Variants in DIAPH3 observed in about 807,000 individuals in gnomAD.
DIAPH3 encodes the protein diaphanous related formin 3, also known as protein diaphanous homolog 3.
Under a neutral mutation model 144.3 loss-of-function variants are expected in DIAPH3, and 117 were observed. The observed-to-expected ratio is 0.81, with a 90% CI of 0.70 to 0.95. The LOEUF (loss-of-function observed/expected upper bound fraction) is 0.95, where lower values mean the gene tolerates loss of function less well. DIAPH3 is among the 40% of genes least tolerant of loss of function. The pLI, the probability that DIAPH3 is intolerant of heterozygous loss-of-function variation, is 0.00. For synonymous variants in DIAPH3, 519 were observed against 488.9 expected, an observed-to-expected ratio of 1.06 and a Z score of -0.81; for missense variants, 1,421 against 1,412.7, an observed-to-expected ratio of 1.01 and a Z score of -0.09.
chr13:60,138,809 GAAGAGGGAA>G (rs1196048113), intron 1 of DIAPH3, among the ~76,000 whole-genome samples: 2 of 133,840 alleles, frequency 1.5e-5, no homozygotes, highest in East Asian at 2.0e-4. Flanking sequence ...AGGGAAGAGG[GAAGAGGGAA>G]GAGGGGAGGG....
At chr13:59,756,762 T>C (rs2037300614) in intron 27 of DIAPH3, among the ~76,000 whole-genome samples, 1 of 152,180 alleles carries the variant, frequency 6.6e-6, no homozygotes, top group Non-Finnish European at 1.5e-5. Context: ...GGGATTTAGG[T>C]CTGTCTCTGA....
chr13:60,163,928 T>C lies in DIAPH3; in HGVS notation c.-162A>G. ...AAGTCGGGGCCGCAGCCAACACATC[T>C]GAAAACTCCCGCCACCCGTGTTGGC... On this transcript the variant is annotated 5_prime_UTR_variant, in exon 1 of 28. Transcript: ENST00000400324. The C allele has an allele frequency of 1.1e-6, 1 of 905,564 alleles. No homozygotes were observed. The highest frequency in any genetic ancestry group is 2.9e-5 in the Admixed American group (1 of 34,356). 56.1% of individuals were successfully genotyped at this position (905,564 alleles called of 1,614,324 possible). A position where few individuals can be genotyped will look rare whatever the true frequency, so the allele number is the denominator to read the frequency against.
intron 17 of DIAPH3, among the ~76,000 whole-genome samples, chr13:59,934,215 C>T (rs1304039672): frequency 6.6e-6 from 1 of 152,060 alleles, no homozygotes; most frequent in Non-Finnish European, 1.5e-5. Flanking sequence ...TTTGTTGGTG[C>T]TCCCTGGTTA....
chr13:60,134,027 CTCAG>C (rs1209091202), intron 1 of DIAPH3, among the ~76,000 whole-genome samples: 1 of 152,134 alleles, frequency 6.6e-6, no homozygotes, highest in Non-Finnish European at 1.5e-5. Flanking sequence ...ATGAATCTAC[CTCAG>C]TGATGATCCA....
intron 4 of DIAPH3, among the ~76,000 whole-genome samples, chr13:60,076,815 C>T (rs938133640): frequency 2.0e-5 from 3 of 152,028 alleles, no homozygotes; most frequent in African/African-American, 7.2e-5. Flanking sequence ...AAGCATTATA[C>T]AAAAGTAATT....
chr13:59,861,289 A>G (rs1168500450), intron 22 of DIAPH3, 118 bp downstream of exon 22: 2 of 1,571,974 alleles, frequency 1.3e-6, no homozygotes, highest in South Asian at 2.3e-5. Flanking sequence ...TTAAAATGAG[A>G]TATTGGGTAT....
intron 8 of DIAPH3, among the ~76,000 whole-genome samples, chr13:60,008,972 G>A (rs904559876): frequency 3.3e-5 from 5 of 152,160 alleles, no homozygotes; most frequent in Middle Eastern, 3.4e-3. Flanking sequence ...TAATTAACCC[G>A]TATTATAGAT....
chr13:59,724,807 G>C (rs965740772), intron 27 of DIAPH3, among the ~76,000 whole-genome samples: 1 of 152,160 alleles, frequency 6.6e-6, no homozygotes, highest in African/African-American at 2.4e-5. Context: ...TTGGGGAATA[G>C]AAAGTACTTT....
rs374837449 is a variant in DIAPH3, at chr13:59,833,243, T to C, written c.2891A>G (p.Tyr964Cys). 11 of 1,609,310 alleles carry C rather than the reference T, an allele frequency of 6.8e-6. No individual in the cohort carries two copies. The highest frequency in any genetic ancestry group is 5.5e-5 in the South Asian group (5 of 90,746). ...SRFVISAKEQ[Y>C]ETLSKLHENM... ...TTCGTGTAACTTCGAAAGTGTCTCA[T>C]ATTGTTCTTTTGCACTGATAACAAA... Residue 964 changes from tyrosine to cysteine, a missense_variant, in exon 24 of 28, where the codon TAT (tyrosine) becomes TGT (cysteine). Transcript: ENST00000400324.
intron 24 of DIAPH3, among the ~76,000 whole-genome samples, chr13:59,811,594 G>A (rs1416278156): frequency 2.0e-5 from 3 of 151,814 alleles, no homozygotes; most frequent in African/African-American, 4.8e-5. Flanking sequence ...AAAATTAGCT[G>A]GGTGTGGTGG....
intron 27 of DIAPH3, among the ~76,000 whole-genome samples, chr13:59,754,771 T>C (rs796741688): frequency 4.6e-5 from 7 of 152,282 alleles, no homozygotes; most frequent in African/African-American, 1.7e-4. Flanking sequence ...AAACCTAAAA[T>C]ACTTCCTACT....
intron 5 of DIAPH3, among the ~76,000 whole-genome samples, chr13:60,021,412 G>A (rs1273299111): frequency 6.6e-6 from 1 of 152,150 alleles, no homozygotes; most frequent in East Asian, 1.9e-4. Context: ...ATCACTTGAG[G>A]CCAGGAGTTT....
chr13:59,820,222 C>T (rs1391296434), intron 24 of DIAPH3, among the ~76,000 whole-genome samples: 4 of 151,832 alleles, frequency 2.6e-5, no homozygotes, highest in Admixed American at 6.6e-5. Context: ...AATATGAATG[C>T]TTTCTATTCA....
At chr13:59,785,325 A>G (rs2038978824) in intron 25 of DIAPH3, among the ~76,000 whole-genome samples, 7 of 152,212 alleles carry the variant, frequency 4.6e-5, no homozygotes, top group Admixed American at 4.6e-4. Flanking sequence ...AAAAAATTAG[A>G]ATATTTTACA....
intron 27 of DIAPH3, among the ~76,000 whole-genome samples, chr13:59,712,808 T>C (rs1406137738): frequency 1.3e-5 from 2 of 152,234 alleles, no homozygotes; most frequent in African/African-American, 4.8e-5. Context: ...TGTTTAATAC[T>C]ATGCACCAGA....
chr13:59,714,679 C>T (rs2034959175), intron 27 of DIAPH3, among the ~76,000 whole-genome samples: 1 of 152,044 alleles, frequency 6.6e-6, no homozygotes, highest in Non-Finnish European at 1.5e-5. Context: ...TCCATCCATC[C>T]TGTCTATATC....
At position 59,937,175 on chromosome 13, in the gene DIAPH3, A is replaced by C. The variant is rs572199838; in HGVS notation, c.2075-12305T>G. On this transcript the variant is annotated intron_variant, in intron 17 of 27. Coordinates refer to ENST00000400324, the MANE Select transcript of DIAPH3 (RefSeq NM_001042517.2). ...AAGACTCCATCTCAAAAAAAAAAAA[A>C]CATAATAATAATAATTTTTCCACTA... Among the ~76,000 whole-genome samples, 336 of 152,044 alleles carry C rather than the reference A, an allele frequency of 2.2e-3. 2 individuals are homozygous for C. Among genetic ancestry groups the C allele is most frequent in the African/African-American group, 7.6e-3 (317 of 41,488 alleles).
At chr13:59,750,263 G>A (rs7998627) in intron 27 of DIAPH3, among the ~76,000 whole-genome samples, 5,226 of 152,186 alleles carry the variant, frequency 0.034, 318 homozygotes, top group African/African-American at 0.12. Context: ...TTATTGCTAT[G>A]TTTACACAAT....
chr13:59,886,985 AC>A (rs1230308777), intron 20 of DIAPH3, among the ~76,000 whole-genome samples: 1 of 152,108 alleles, frequency 6.6e-6, no homozygotes, highest in Non-Finnish European at 1.5e-5. Flanking sequence ...ACCATAAAAG[AC>A]AAGTCATCTA....
Sources: allele counts gnomAD v4.1 joint callset (sites outside exome capture counted in the v4.1 genomes callset), GRCh38; gene constraint gnomAD v4.1.1; transcripts MANE v1.5; gene names NCBI Gene and HGNC (gene_info 2026-07-23, HGNC 2026-07-21).